CEP170B: variants seen among roughly 807,000 people sequenced by gnomAD.
CEP170B encodes the protein centrosomal protein of 170 kDa protein B.
CEP170B carries 55 observed loss-of-function variants against 120.6 expected under a neutral mutation model. The ratio of observed to expected loss-of-function variants is 0.46; its 90% confidence interval spans 0.37 to 0.57. CEP170B has a LOEUF of 0.57. Ranked by LOEUF, CEP170B falls within the 20% of genes least tolerant of loss-of-function variation. CEP170B has a pLI of 0.00. For missense variants in CEP170B, 2,212 were observed against 2,253.3 expected (o/e 0.98, Z 0.37); for synonymous variants, 1,033 against 954.5 (o/e 1.08, Z -1.52).
At position 104,868,849 on chromosome 14, in the gene CEP170B, C is replaced by A. The variant is rs185393680; in HGVS notation, c.105+294C>A. ...TCAGGTTCTCAAAGTTGTTGGGGTCCCTAGAAGCGTGAGTTGGCGTCCTTT... is the reference window on the plus strand; with the variant it reads ...TCAGGTTCTCAAAGTTGTTGGGGTCACTAGAAGCGTGAGTTGGCGTCCTTT... On this transcript the variant is annotated intron_variant, in intron 2 of 18. Coordinates refer to ENST00000414716, the MANE Select transcript of CEP170B (RefSeq NM_001112726.3). The surrounding 1 kb of genome is among the most constrained non-coding windows in gnomAD (Gnocchi z 5.9). Among the ~76,000 whole-genome samples the A allele has an allele frequency of 2.6e-5, 4 of 152,222 alleles. No homozygotes were observed. In the East Asian group the frequency reaches 7.8e-4, roughly 30 times the overall value.
chr14:104,865,391 CCGGG>C lies in CEP170B; in HGVS notation c.-135_-132del, dbSNP rs548529289. Reference sequence around the variant, plus strand: ...GGCGGCGGCCCCGCCCAGCGCTCGGCCGGGCGGGCGGGCGGGCGCGAGGGCAGGG... The same window carrying C: ...GGCGGCGGCCCCGCCCAGCGCTCGGCCGGGCGGGCGGGCGCGAGGGCAGGG... On this transcript the variant is annotated 5_prime_UTR_variant, in exon 1 of 19. Transcript: ENST00000414716. This position sits in a 1 kb window ranked among gnomAD's most constrained non-coding sequence, Gnocchi z 6.7. 2.1e-4 allele frequency: 30 copies of C among 146,054 alleles called. No homozygotes were observed. Among genetic ancestry groups the C allele is most frequent in the African/African-American group, 6.9e-4 (27 of 39,356 alleles). 9.0% of individuals were successfully genotyped at this position (146,054 alleles called of 1,614,324 possible). A position where few individuals can be genotyped will look rare whatever the true frequency, so the allele number is the denominator to read the frequency against.
Position 104,884,445 on chromosome 14 carries a change from C to A in CEP170B, c.1666C>A (p.Arg556=). 1.9e-6 allele frequency: 3 copies of A among 1,553,564 alleles called. No individual in the cohort carries two copies. Among genetic ancestry groups the A allele is most frequent in the Non-Finnish European group, 2.6e-6 (3 of 1,148,854 alleles). The change falls in exon 9 of 19, where the codon CGG becomes AGG. Residue 556 remains arginine (R), a synonymous_variant. Coordinates refer to ENST00000414716, the MANE Select transcript of CEP170B (RefSeq NM_001112726.3). The part of the protein sequence containing the change: ...APTDPQLTKA[R]KQEEDDSLSD... Reference sequence around the variant, plus strand: ...CACGGACCCCCAGCTGACCAAGGCACGGAAACAGGAGGAGGACGACAGCCT... The same window carrying A: ...CACGGACCCCCAGCTGACCAAGGCAAGGAAACAGGAGGAGGACGACAGCCT...
chr14:104,874,717 C>T (rs1466257720), intron 2 of CEP170B, among the ~76,000 whole-genome samples: 1 of 151,660 alleles, frequency 6.6e-6, no homozygotes, highest in Admixed American at 6.6e-5. Context: ...AGTCCTCCCC[C>T]TGGTCCTCCA....
chr14:104,882,652 C>G (rs1896217178), intron 6 of CEP170B, 76 bp from the exon 7 acceptor site: 4 of 1,238,914 alleles, frequency 3.2e-6, no homozygotes, highest in Non-Finnish European at 4.5e-6. Flanking sequence ...TCCAGCCTCT[C>G]CTGGGCTGCC....
chr14:104,882,798 G>A lies in CEP170B; in HGVS notation c.543G>A (p.Leu181=). Residue 181 remains leucine, a synonymous_variant, in exon 7 of 19, where the codon CTG becomes CTA. Coordinates refer to ENST00000414716, the MANE Select transcript of CEP170B (RefSeq NM_001112726.3). The part of the protein sequence containing the change: ...SWWGEDDGST[L]PDAQRQGEPY... Reference sequence around the variant, plus strand: ...GGGGTGAGGACGATGGTAGCACGCTGCCTGACGCCCAGCGCCAGGGAGAGC... The same window carrying A: ...GGGGTGAGGACGATGGTAGCACGCTACCTGACGCCCAGCGCCAGGGAGAGC... 1.2e-6 allele frequency: 2 copies of A among 1,612,384 alleles called. No homozygotes were observed. Among genetic ancestry groups the A allele is most frequent in the Non-Finnish European group, 1.7e-6 (2 of 1,179,690 alleles).
intron 4 of CEP170B, 22 bp downstream of exon 4, chr14:104,877,985 C>T: frequency 6.3e-7 from 1 of 1,581,864 alleles, no homozygotes. Flanking sequence ...CTGAGCGTCC[C>T]TCCTCCTGGG....
chr14:104,894,817 C>T lies in CEP170B; in HGVS notation c.4524C>T (p.Ala1508=), dbSNP rs1397692523. ...GGCTGGGGAAGGGCCGCGTGGCTGC[C>T]CAGAGCCCACCCTCACCCGCCTCAG... ...QPGLGKGRVA[A]QSPPSPASAE... Residue 1508 remains alanine, a synonymous_variant, in exon 19 of 19, where the codon GCC becomes GCT. Coordinates refer to ENST00000414716, the MANE Select transcript of CEP170B (RefSeq NM_001112726.3). The T allele has an allele frequency of 2.5e-6, 4 of 1,608,602 alleles. No individual in the cohort carries two copies. Among genetic ancestry groups the T allele is most frequent in the Non-Finnish European group, 3.4e-6 (4 of 1,178,926 alleles).
chr14:104,892,327 G>T (rs1489953514), intron 13 of CEP170B, among the ~76,000 whole-genome samples: 1 of 152,168 alleles, frequency 6.6e-6, no homozygotes, highest in African/African-American at 2.4e-5. Flanking sequence ...CAGGGTGGAG[G>T]CCTGTGCCCC....
Position 104,891,094 on chromosome 14 carries a change from GT to G in CEP170B, c.3878+1337del, listed in dbSNP as rs982981210. ...GGATGGATGGATGGAGAGTGAGTGG[GT>G]GGATGGAGGGGTGGGTGGATGCAGA... On this transcript the variant is annotated intron_variant, in intron 13 of 18. Coordinates refer to ENST00000414716, the MANE Select transcript of CEP170B (RefSeq NM_001112726.3). This position sits in a 1 kb window ranked among gnomAD's most constrained non-coding sequence, Gnocchi z 4.3. 6.6e-6 allele frequency among the ~76,000 whole-genome samples: 1 copy of G among 151,362 alleles called. No individual in the cohort carries two copies. Among genetic ancestry groups the G allele is most frequent in the Middle Eastern group, 3.2e-3 (1 of 314 alleles).
At position 104,894,991 on chromosome 14, in the gene CEP170B, C is replaced by T. The variant is rs1024556536; in HGVS notation, c.*33C>T. 1.1e-5 allele frequency: 16 copies of T among 1,497,826 alleles called. No individual in the cohort carries two copies. Among genetic ancestry groups the T allele is most frequent in the Non-Finnish European group, 1.3e-5 (15 of 1,119,200 alleles). 92.8% of individuals were successfully genotyped at this position (1,497,826 alleles called of 1,614,324 possible). A position where few individuals can be genotyped will look rare whatever the true frequency, so the allele number is the denominator to read the frequency against. On this transcript the variant is annotated 3_prime_UTR_variant, in exon 19 of 19. Coordinates refer to ENST00000414716, the MANE Select transcript of CEP170B (RefSeq NM_001112726.3). ...ACCTGGCCAGGCCAGCCTCCCTGTG[C>T]GTGTGCGTCTCTGCCTTCCGTCCGC...
chr14:104,886,281 G>A lies in CEP170B; in HGVS notation c.2042G>A (p.Gly681Asp). The A allele has an allele frequency of 1.3e-6, 2 of 1,538,056 alleles. No homozygotes were observed. Among genetic ancestry groups the A allele is most frequent in the Admixed American group, 3.8e-5 (2 of 51,998 alleles). The part of the protein sequence containing the change: ...SYSDPGLTED[G>D]LGRRGGEPEG... ...CTGCCTTTGTGCTCCACAGAGGATG[G>A]CCTGGGACGTAGAGGCGGGGAGCCG... Residue 681 changes from glycine (G) to aspartate (D), a missense_variant, in exon 12 of 19, where the codon GGC becomes GAC. Physicochemically the swap from Gly to Asp is moderately conservative, Grantham distance 94. Around this residue, in one of 2 missense-constraint regions of CEP170B, gnomAD observed 2,166 missense variants for 2,166.7 expected, o/e 1.00. Coordinates refer to ENST00000414716, the MANE Select transcript of CEP170B (RefSeq NM_001112726.3).
At position 104,885,521 on chromosome 14, in the gene CEP170B, G is replaced by C. The variant is rs774451983; in HGVS notation, c.1923G>C (p.Ala641=). The change falls in exon 10 of 19, where the codon GCG becomes GCC. Residue 641 remains alanine (A), a synonymous_variant. Coordinates refer to ENST00000414716, the MANE Select transcript of CEP170B (RefSeq NM_001112726.3). ...AGTTTGCCTCCCGGCCACTGGGTGC[G>C]GCCCCCCAGGCGGAGCACCAGGTAC... The part of the protein sequence containing the change: ...LQEFASRPLG[A]APQAEHQGLP... The C allele has an allele frequency of 6.4e-7, 1 of 1,564,388 alleles. No individual in the cohort carries two copies. Among genetic ancestry groups the C allele is most frequent in the Non-Finnish European group, 8.6e-7 (1 of 1,158,616 alleles).
rs746255582 is a variant in CEP170B at position 104,887,004 on chromosome 14, CGGCCCTGGA to C, written c.2771_2779del (p.Leu924_Ala926del). ...TTGAAGGAGACGGAGACGGCCCTGG[CGGCCCTGGA>C]GGCCCGACTCCTCTCTAATTCTGTG... On this transcript the variant is annotated inframe_deletion, in exon 12 of 19. Coordinates refer to ENST00000414716, the MANE Select transcript of CEP170B (RefSeq NM_001112726.3). The C allele has an allele frequency of 1.1e-5, 17 of 1,609,768 alleles. No homozygotes were observed. The highest frequency in any genetic ancestry group is 2.7e-5 in the African/African-American group (2 of 75,052).
rs1278679572 is a variant in CEP170B at position 104,883,019 on chromosome 14, C to G, written c.578-16C>G. On this transcript the variant is annotated splice_polypyrimidine_tract_variant and intron_variant, in intron 7 of 18. Coordinates refer to ENST00000414716, the MANE Select transcript of CEP170B (RefSeq NM_001112726.3). The stretch of plus-strand genomic sequence containing the variant: ...GTTACCCTGAGGCCCGGTCTGAAGA[C>G]ATCTTCCCACACCAGAGCGCCCCAA... 1.3e-6 allele frequency: 2 copies of G among 1,495,050 alleles called. No individual in the cohort carries two copies. Among genetic ancestry groups the G allele is most frequent in the Admixed American group, 4.2e-5 (2 of 47,698 alleles). The allele number at this position is 1,495,050 out of a possible 1,614,324, so 92.6% of individuals were successfully genotyped here.
In CEP170B at chr14:104,886,041, G is replaced by A. The variant is rs768857390; in HGVS notation, c.1946G>A (p.Gly649Asp). The A allele has an allele frequency of 1.8e-5, 28 of 1,535,036 alleles. No individual in the cohort carries two copies. Among genetic ancestry groups the A allele is most frequent in the Admixed American group, 1.1e-4 (5 of 47,132 alleles). ...ACACTCCCACCCTCCTCTCCACAGG[G>A]CCTCCCGGTGCCGGGCTCCCCTGGG... Reference protein sequence around the residue: ...LGAAPQAEHQGLPVPGSPGGQ... With the variant: ...LGAAPQAEHQDLPVPGSPGGQ... The change falls in exon 11 of 19, where the codon GGC (glycine) becomes GAC (aspartate). Residue 649 changes from glycine to aspartate, a missense_variant and splice_region_variant. Gly to Asp is a moderately conservative substitution (Grantham distance 94). Transcript: ENST00000414716.
chr14:104,877,002 G>A (rs866885418), intron 3 of CEP170B, among the ~76,000 whole-genome samples: 5 of 152,288 alleles, frequency 3.3e-5, no homozygotes, highest in African/African-American at 9.6e-5. Context: ...TGAGGTCCCT[G>A]TCTGGATGTC....
At chr14:104,885,931 T>C in intron 10 of CEP170B, 109 bp from the exon 11 acceptor site, 3 of 967,842 alleles carry the variant, frequency 3.1e-6, no homozygotes, top group Non-Finnish European at 4.5e-6. Context: ...GTGGCGCGCA[T>C]GCGTGGGGCT....
chr14:104,878,855 G>A (rs1404238150), intron 5 of CEP170B, among the ~76,000 whole-genome samples: 4 of 152,352 alleles, frequency 2.6e-5, no homozygotes, highest in East Asian at 3.9e-4. Flanking sequence ...GAGCTGCATC[G>A]CTGGGCACTG....
At chr14:104,884,592 G>GAGTGGAGGCGATGCCGGGGGTGGCGA (rs1566864574) in intron 9 of CEP170B, 43 bp downstream of exon 9, 1 of 1,512,638 alleles carries the variant, frequency 6.6e-7, no homozygotes. Flanking sequence ...GGGAACGGGG[G>GAGTGGAGGCGATGCCGGGGGTGGCGA]GGTGGAGGCG....
Sources: allele counts gnomAD v4.1 joint callset (sites outside exome capture counted in the v4.1 genomes callset), GRCh38; gene constraint gnomAD v4.1.1; regional missense constraint gnomAD v4.1.1; non-coding constraint Gnocchi (gnomAD v3.1); transcripts MANE v1.5; gene names NCBI Gene and HGNC (gene_info 2026-07-23, HGNC 2026-07-21).